Variants in MPPED2 observed in about 807,000 individuals in gnomAD.
The protein encoded by MPPED2 is metallophosphoesterase domain containing 2, also known as metallophosphoesterase MPPED2.
MPPED2 carries 5 observed loss-of-function variants against 33.0 expected under a neutral mutation model. The observed-to-expected ratio is 0.15, with a 90% CI of 0.08 to 0.32. The LOEUF (loss-of-function observed/expected upper bound fraction) is 0.32, where lower values mean the gene tolerates loss of function less well. MPPED2 is among the 10% of genes least tolerant of loss of function. The pLI is 1.00. For missense variants in MPPED2, 275 were observed against 372.1 expected (o/e 0.74, Z 2.15); for synonymous variants, 136 against 141.9 (o/e 0.96, Z 0.29).
chr11:30,509,179 G>C (rs927971977), intron 3 of MPPED2, among the ~76,000 whole-genome samples: 1 of 152,042 alleles, frequency 6.6e-6, no homozygotes, highest in Non-Finnish European at 1.5e-5. Context: ...TGTTATACAG[G>C]GGCTTTTTTT....
intron 2 of MPPED2, among the ~76,000 whole-genome samples, chr11:30,577,689 G>A (rs1956988823): frequency 6.6e-6 from 1 of 152,170 alleles, no homozygotes; most frequent in Non-Finnish European, 1.5e-5. Context: ...GTCAGTCACT[G>A]TGTGAGGCCA....
At chr11:30,541,728 G>A (rs991745196) in intron 2 of MPPED2, among the ~76,000 whole-genome samples, 2 of 152,040 alleles carry the variant, frequency 1.3e-5, no homozygotes, top group South Asian at 2.1e-4. Flanking sequence ...AAGTAACTAC[G>A]ACTACAGGCA....
chr11:30,421,156 C>G (rs1191935598), intron 4 of MPPED2, among the ~76,000 whole-genome samples: 1 of 152,104 alleles, frequency 6.6e-6, no homozygotes, highest in Non-Finnish European at 1.5e-5. Context: ...ATCTCTGAAC[C>G]CACAGGACAC....
intron 4 of MPPED2, among the ~76,000 whole-genome samples, chr11:30,468,637 T>C (rs1239946613): frequency 6.6e-6 from 1 of 152,130 alleles, no homozygotes; most frequent in Non-Finnish European, 1.5e-5. Context: ...AGGCAAGATA[T>C]ACAAATAAAA....
intron 4 of MPPED2, among the ~76,000 whole-genome samples, chr11:30,467,683 C>T (rs1227185177): frequency 2.0e-5 from 3 of 152,200 alleles, no homozygotes; most frequent in Non-Finnish European, 2.9e-5. Context: ...TTTAGATTTA[C>T]TTCTACTCTA....
At chr11:30,485,008 A>C (rs982641155) in intron 4 of MPPED2, among the ~76,000 whole-genome samples, 7 of 152,312 alleles carry the variant, frequency 4.6e-5, no homozygotes, top group African/African-American at 1.7e-4. Context: ...AATAATAGCC[A>C]TTACAAAACT....
chr11:30,539,521 A>G (rs571153295), intron 2 of MPPED2, among the ~76,000 whole-genome samples: 1 of 152,166 alleles, frequency 6.6e-6, no homozygotes, highest in Non-Finnish European at 1.5e-5. Context: ...CTTATGGGGC[A>G]TCTCGTTCAA....
intron 3 of MPPED2, among the ~76,000 whole-genome samples, chr11:30,498,226 T>TA (rs1198121981): frequency 8.6e-5 from 13 of 151,558 alleles, no homozygotes; most frequent in Admixed American, 4.6e-4. Flanking sequence ...CCTGCTTGTA[T>TA]AAAAAAAACC....
chr11:30,509,095 A>T (rs1184965308), intron 3 of MPPED2, among the ~76,000 whole-genome samples: 1 of 152,152 alleles, frequency 6.6e-6, no homozygotes, highest in African/African-American at 2.4e-5. Flanking sequence ...TTATTCAAGG[A>T]TGACACCAAT....
rs188948330 is a variant in MPPED2 at position 30,402,345 on chromosome 11, G to A, written c.766+11883C>T. Among the ~76,000 whole-genome samples, 31 of 152,242 alleles carry A rather than the reference G, an allele frequency of 2.0e-4. 1 individual carries two copies. The highest frequency in any genetic ancestry group is 1.0e-3 in the Admixed American group (16 of 15,288). ...CATATTGTCACTTCGCTGGAGATAC[G>A]TGATTTATTTCTTGAGAAAAGTCTT... is the stretch of plus-strand genomic sequence containing the variant. On this transcript the variant is annotated intron_variant, in intron 6 of 6. Transcript: ENST00000448418.
chr11:30,401,374 G>A (rs549537539), intron 6 of MPPED2, among the ~76,000 whole-genome samples: 47 of 152,300 alleles, frequency 3.1e-4, no homozygotes, highest in Non-Finnish European at 5.3e-4. Flanking sequence ...CAGCACAGGA[G>A]GGCCTTATGA....
At chr11:30,543,389 C>T (rs1955236234) in intron 2 of MPPED2, among the ~76,000 whole-genome samples, 1 of 152,156 alleles carries the variant, frequency 6.6e-6, no homozygotes, top group Non-Finnish European at 1.5e-5. Context: ...AGTCACTTCC[C>T]ATCTTCTAGC....
In MPPED2 at chr11:30,457,099, T is replaced by C. The variant is rs1270768070; in HGVS notation, c.536+38197A>G. Among the ~76,000 whole-genome samples the C allele has an allele frequency of 2.6e-5, 4 of 152,214 alleles. No homozygotes were observed. The East Asian group carries it at 7.7e-4, about 29-fold the overall frequency. On this transcript the variant is annotated intron_variant, in intron 4 of 6. Coordinates refer to ENST00000358117, the MANE Select transcript of MPPED2 (RefSeq NM_001584.3). ...TTTCTTCTCTGTCCTTTCACTTATA[T>C]GACTTCTGTTGGTCTGGGGAAAAAG...
intron 2 of MPPED2, among the ~76,000 whole-genome samples, chr11:30,546,429 T>A (rs1306678591): frequency 4.6e-5 from 7 of 152,150 alleles, no homozygotes; most frequent in Non-Finnish European, 1.0e-4. Flanking sequence ...CAAGATTTCT[T>A]TTTTATTAAA....
chr11:30,476,977 T>C (rs1167695418), intron 4 of MPPED2, among the ~76,000 whole-genome samples: 1 of 152,148 alleles, frequency 6.6e-6, no homozygotes, highest in Non-Finnish European at 1.5e-5. Context: ...TTTAAGGTTT[T>C]GGTGCTACTG....
intron 3 of MPPED2, among the ~76,000 whole-genome samples, chr11:30,499,569 A>C (rs1164980317): frequency 1.3e-5 from 2 of 151,998 alleles, no homozygotes; most frequent in Non-Finnish European, 2.9e-5. Flanking sequence ...CCTCTCTTTG[A>C]TATTTTGGGC....
intron 2 of MPPED2, among the ~76,000 whole-genome samples, chr11:30,577,884 A>G (rs1956997788): frequency 6.6e-6 from 1 of 152,240 alleles, no homozygotes; most frequent in Admixed American, 6.5e-5. Context: ...TAATCAAATC[A>G]ATGGATCAAT....
chr11:30,465,818 A>T (rs1348424398), intron 4 of MPPED2, among the ~76,000 whole-genome samples: 1 of 152,194 alleles, frequency 6.6e-6, no homozygotes, highest in East Asian at 1.9e-4. Flanking sequence ...GCAGGATGTG[A>T]AACTCATGTA....
intron 4 of MPPED2, among the ~76,000 whole-genome samples, chr11:30,419,339 C>T (rs1948510982): frequency 6.6e-6 from 1 of 152,158 alleles, no homozygotes; most frequent in Non-Finnish European, 1.5e-5. Flanking sequence ...CCATATAATT[C>T]CTCTTCTTAT....
Sources: allele counts gnomAD v4.1 joint callset (sites outside exome capture counted in the v4.1 genomes callset), GRCh38; gene constraint gnomAD v4.1.1; transcripts MANE v1.5; gene names NCBI Gene and HGNC (gene_info 2026-07-23, HGNC 2026-07-21).